Variants in SCN8A observed in about 807,000 individuals in gnomAD.
SCN8A encodes sodium voltage-gated channel alpha subunit 8.
In SCN8A, 30 loss-of-function variants were observed where a neutral mutation model predicts 184.1. That is an observed-to-expected ratio of 0.16 (90% CI 0.12 to 0.22). The LOEUF (loss-of-function observed/expected upper bound fraction) is 0.22, where lower values mean the gene tolerates loss of function less well. Ranked by LOEUF, SCN8A falls within the 10% of genes least tolerant of loss-of-function variation. SCN8A has a pLI of 1.00. For synonymous variants in SCN8A, 852 were observed against 907.0 expected (o/e 0.94, Z 1.09); for missense variants, 1,057 against 2,498.9 (o/e 0.42, Z 12.30).
intron 12 of SCN8A, among the ~76,000 whole-genome samples, chr12:51,744,515 T>C (rs1035981299): frequency 6.6e-6 from 1 of 151,986 alleles, no homozygotes; most frequent in African/African-American, 2.4e-5. Context: ...GTTTTTTTTT[T>C]CCTGTATTTC....
intron 1 of SCN8A, among the ~76,000 whole-genome samples, chr12:51,654,042 G>A (rs1940772381): frequency 6.6e-6 from 1 of 151,970 alleles, no homozygotes; most frequent in African/African-American, 2.4e-5. Flanking sequence ...ATTTTTAACT[G>A]GGTTTTGTTG....
intron 1 of SCN8A, among the ~76,000 whole-genome samples, chr12:51,620,627 A>G: frequency 6.6e-6 from 1 of 152,094 alleles, no homozygotes; most frequent in Non-Finnish European, 1.5e-5. Context: ...ATTGCATAAA[A>G]CATTCTTGGA....
chr12:51,613,970 T>C (rs1019862225), intron 1 of SCN8A, among the ~76,000 whole-genome samples: 3 of 152,156 alleles, frequency 2.0e-5, no homozygotes, highest in Non-Finnish European at 4.4e-5. Context: ...GACCAAGATA[T>C]GATCTAGCTT....
chr12:51,688,700 A>G, intron 5 of SCN8A: 3 of 1,267,336 alleles, frequency 2.4e-6, no homozygotes, highest in Non-Finnish European at 3.5e-6. Context: ...TCTTCCCCCC[A>G]TTCTCAAACC....
At chr12:51,693,636 G>T (rs1030169996) in intron 6 of SCN8A, among the ~76,000 whole-genome samples, 15 of 152,120 alleles carry the variant, frequency 9.9e-5, no homozygotes, top group African/African-American at 3.4e-4. Context: ...AGCATAGTGC[G>T]ATCTTGTCTC....
At chr12:51,705,347 G>T in intron 9 of SCN8A, 70 bp from the exon 10 acceptor site, 3 of 1,421,504 alleles carry the variant, frequency 2.1e-6, no homozygotes, top group African/African-American at 1.4e-5. Context: ...AGAGGAACTT[G>T]GCCCATTAGC....
At chr12:51,753,698 C>T (rs1942630315) in intron 14 of SCN8A, among the ~76,000 whole-genome samples, 1 of 152,146 alleles carries the variant, frequency 6.6e-6, no homozygotes, top group Admixed American at 6.6e-5. Flanking sequence ...TGTTTCACAT[C>T]TGTAAAGTTA....
chr12:51,731,287 G>A (rs1455998975), intron 12 of SCN8A, among the ~76,000 whole-genome samples: 3 of 151,660 alleles, frequency 2.0e-5, no homozygotes, highest in African/African-American at 7.3e-5. Context: ...GCCCAGGCTG[G>A]AGTGCAATGG....
At chr12:51,705,649 A>T (rs772409903) in intron 10 of SCN8A, 26 bp downstream of exon 10, 2 of 1,591,558 alleles carry the variant, frequency 1.3e-6, no homozygotes, top group Non-Finnish European at 8.6e-7. Context: ...TTTGCAATAG[A>T]CCTTCCTGCC....
chr12:51,631,998 G>A (rs1940206065), intron 1 of SCN8A, among the ~76,000 whole-genome samples: 1 of 152,154 alleles, frequency 6.6e-6, no homozygotes, highest in Admixed American at 6.5e-5. Flanking sequence ...GGAGGATCCA[G>A]GGAAATAAGT....
At chr12:51,776,721 G>A (rs1937712599) in intron 20 of SCN8A, among the ~76,000 whole-genome samples, 1 of 152,190 alleles carries the variant, frequency 6.6e-6, no homozygotes, top group Non-Finnish European at 1.5e-5. Flanking sequence ...GGACTTTTTG[G>A]TGTCCATTTG....
At position 51,687,092 on chromosome 12, in the gene SCN8A, T is replaced by C; in HGVS notation, c.487T>C (p.Tyr163His). Residue 163 changes from tyrosine to histidine, a missense_variant and splice_region_variant, in exon 5 of 27, where the codon TAC becomes CAC. Tyr to His is a moderately conservative substitution (Grantham distance 83). Around this residue, in one of 19 missense-constraint regions of SCN8A, gnomAD observed 66 missense variants for 276.4 expected, o/e 0.24. Coordinates refer to ENST00000627620, the MANE Select transcript of SCN8A (RefSeq NM_001330260.2). Reference sequence around the variant, plus strand: ...TCAAGCTATTCATTTCTTTGACAGGTACACGTTCACAGGGATTTATACATT... The same window carrying C: ...TCAAGCTATTCATTTCTTTGACAGGCACACGTTCACAGGGATTTATACATT... Reference protein sequence around the residue: ...NPPDWSKNVEYTFTGIYTFES... With the variant: ...NPPDWSKNVEHTFTGIYTFES... 3 of 1,613,352 alleles carry C rather than the reference T, an allele frequency of 1.9e-6. No homozygotes were observed. The highest frequency in any genetic ancestry group is 2.5e-6 in the Non-Finnish European group (3 of 1,179,446).
intron 23 of SCN8A, 82 bp downstream of exon 23, chr12:51,788,830 G>A: frequency 8.6e-7 from 1 of 1,159,182 alleles, no homozygotes; most frequent in Non-Finnish European, 1.2e-6. Flanking sequence ...CACCAAGAAA[G>A]AGGAAGGGAT....
chr12:51,645,411 A>G (rs1335276450), intron 1 of SCN8A, among the ~76,000 whole-genome samples: 1 of 151,796 alleles, frequency 6.6e-6, no homozygotes, highest in East Asian at 1.9e-4. Context: ...CCTACTGGGA[A>G]GTGAGGAGCC....
chr12:51,798,252 T>TA (rs1938461621), intron 26 of SCN8A, among the ~76,000 whole-genome samples: 1 of 152,126 alleles, frequency 6.6e-6, no homozygotes, highest in South Asian at 2.1e-4. Context: ...CCGCACTTCT[T>TA]AGCTGTAAAG....
rs576031194 is a variant in SCN8A at position 51,808,057 on chromosome 12, G to A, written c.*628G>A. ...CAGGCCGATTCCAAACATTGTGCTC[G>A]TTCAATGCGTAGAAATGATTTGCAT... On this transcript the variant is annotated 3_prime_UTR_variant, in exon 27 of 27. Coordinates refer to ENST00000627620, the MANE Select transcript of SCN8A (RefSeq NM_001330260.2). The A allele has an allele frequency of 3.2e-4, 54 of 166,986 alleles. No individual in the cohort carries two copies. The highest frequency in any genetic ancestry group is 1.9e-3 in the Admixed American group (34 of 18,334). The allele number at this position is 166,986 out of a possible 1,614,324, so 10.3% of individuals were successfully genotyped here. A position where few individuals can be genotyped will look rare whatever the true frequency, so the allele number is the denominator to read the frequency against.
chr12:51,699,169 G>A lies in SCN8A; in HGVS notation c.707-401G>A, dbSNP rs535633866. On this transcript the variant is annotated intron_variant, in intron 6 of 26. Transcript: ENST00000627620. ...TTGACGTTTAAACTGGGCCTTGAAGGATGAGTAGGATTTAGGCACAGAGGA... is the reference window on the plus strand; with the variant it reads ...TTGACGTTTAAACTGGGCCTTGAAGAATGAGTAGGATTTAGGCACAGAGGA... 1.2e-4 allele frequency among the ~76,000 whole-genome samples: 19 copies of A among 152,346 alleles called. No homozygotes were observed. The South Asian group carries it at 2.3e-3, about 18-fold the overall frequency.
At chr12:51,658,782 ATG>A (rs1940872180) in intron 1 of SCN8A, among the ~76,000 whole-genome samples, 1 of 152,204 alleles carries the variant, frequency 6.6e-6, no homozygotes, top group African/African-American at 2.4e-5. Flanking sequence ...GGTTAATTTT[ATG>A]TTATGTAAAT....
At chr12:51,621,946 C>T (rs1035533978) in intron 1 of SCN8A, among the ~76,000 whole-genome samples, 9 of 152,170 alleles carry the variant, frequency 5.9e-5, no homozygotes, top group African/African-American at 2.2e-4. Flanking sequence ...GCCATGGAAG[C>T]TTTCTCTTCA....
Sources: allele counts gnomAD v4.1 joint callset (sites outside exome capture counted in the v4.1 genomes callset), GRCh38; gene constraint gnomAD v4.1.1; regional missense constraint gnomAD v4.1.1; transcripts MANE v1.5; gene names NCBI Gene and HGNC (gene_info 2026-07-23, HGNC 2026-07-21).